The following MAP3K14 variants were observed in gnomAD, a reference collection of about 807,000 sequenced individuals.
MAP3K14 encodes the protein NF-kappa-beta-inducing kinase.
In MAP3K14, 16 loss-of-function variants were observed where a neutral mutation model predicts 99.2. The ratio of observed to expected loss-of-function variants is 0.16; its 90% CI spans 0.11 to 0.24. The LOEUF (loss-of-function observed/expected upper bound fraction) is 0.24, where lower values mean the gene tolerates loss of function less well. Ranked by LOEUF, MAP3K14 falls within the 10% of genes least tolerant of loss-of-function variation. The pLI is 1.00. For synonymous variants in MAP3K14, 462 were observed against 492.4 expected (o/e 0.94, Z 0.82); for missense variants, 784 against 1,208.7 (o/e 0.65, Z 5.21).
At position 45,263,869 on chromosome 17, in the gene MAP3K14, T is replaced by G. The variant is rs1273813159; in HGVS notation, c.*767A>C. The G allele has an allele frequency of 6.6e-6, 1 of 152,382 alleles. No individual in the cohort carries two copies. The highest frequency in any genetic ancestry group is 2.4e-5 in the African/African-American group (1 of 41,450). The allele number at this position is 152,382 out of a possible 1,614,324, so 9.4% of individuals were successfully genotyped here. ...CTGAGTGCCAGCGAGTCTGGGGCAG[T>G]GCTGGGCCTGAAGGGGCTCGGGGCC... On this transcript the variant is annotated 3_prime_UTR_variant, in exon 16 of 16. Transcript: ENST00000344686.
intron 1 of MAP3K14, among the ~76,000 whole-genome samples, chr17:45,316,730 C>T (rs1028050427): frequency 6.6e-6 from 1 of 151,826 alleles, no homozygotes; most frequent in Non-Finnish European, 1.5e-5. Flanking sequence ...GAGTGCGCGG[C>T]CTGGAGGCCC....
intron 1 of MAP3K14, among the ~76,000 whole-genome samples, chr17:45,301,142 T>G (rs2044384885): frequency 6.8e-6 from 1 of 147,044 alleles, no homozygotes; most frequent in African/African-American, 2.5e-5. Context: ...CACTCCAGCC[T>G]GGACAACAGA....
chr17:45,289,256 G>A lies in MAP3K14; in HGVS notation c.306C>T (p.Ile102=), dbSNP rs759009271. Residue 102 remains isoleucine (I), a synonymous_variant, in exon 3 of 16, where the codon ATC becomes ATT. Coordinates refer to ENST00000344686, the MANE Select transcript of MAP3K14 (RefSeq NM_003954.5). ...CTTACCTGTACTGTTTGGACCCAGC[G>A]ATGAAAATGCGTTCTGAAAAGGTGG... ...FSPTFSERIF[I]AGSKQYSQSE... 1.2e-5 allele frequency: 19 copies of A among 1,613,830 alleles called. No homozygotes were observed. Among genetic ancestry groups the A allele is most frequent in the Non-Finnish European group, 1.6e-5 (19 of 1,179,848 alleles).
rs1258199850 is a variant in MAP3K14 at position 45,286,533 on chromosome 17, G to A, written c.1050C>T (p.Ala350=). The stretch of plus-strand genomic sequence containing the variant: ...TCTTGGCCAGGCTGGTCAGGCTGTG[G>A]GCCTGGCCTGAGCTCACGCTGCCTT... ...ALQGSVSSGQ[A]HSLTSLAKTW... is the part of the protein sequence containing the mutation. The change falls in exon 5 of 16, where the codon GCC becomes GCT. Residue 350 remains alanine, a synonymous_variant. Coordinates refer to ENST00000344686, the MANE Select transcript of MAP3K14 (RefSeq NM_003954.5). The surrounding 1 kb of genome is among the most constrained non-coding windows in gnomAD (Gnocchi z 4.1). The A allele has an allele frequency of 2.5e-6, 4 of 1,609,310 alleles. No individual in the cohort carries two copies. The African/African-American group carries it at 4.0e-5, about 16-fold the overall frequency.
intron 3 of MAP3K14, among the ~76,000 whole-genome samples, 167 bp from the exon 4 acceptor site, chr17:45,287,531 C>CT (rs1216325728): frequency 6.6e-6 from 1 of 152,192 alleles, no homozygotes; most frequent in Non-Finnish European, 1.5e-5. Context: ...TGTTTTCTCA[C>CT]TTATCTCACT....
Position 45,270,566 on chromosome 17 carries a change from G to T in MAP3K14, c.1822-3C>A. 1.9e-6 allele frequency: 3 copies of T among 1,545,976 alleles called. No individual in the cohort carries two copies. The highest frequency in any genetic ancestry group is 2.6e-6 in the Non-Finnish European group (3 of 1,148,152). ...ACAGGCGGAGGCTCGCTGGCAATCTGGGGGGCAAAAGACAACAGGTGAGGC... is the reference window on the plus strand; with the variant it reads ...ACAGGCGGAGGCTCGCTGGCAATCTTGGGGGCAAAAGACAACAGGTGAGGC... On this transcript the variant is annotated splice_region_variant and splice_polypyrimidine_tract_variant and intron_variant, in intron 10 of 15. Transcript: ENST00000344686.
At chr17:45,297,282 G>A (rs1404662380) in intron 1 of MAP3K14, among the ~76,000 whole-genome samples, 1 of 152,150 alleles carries the variant, frequency 6.6e-6, no homozygotes, top group Non-Finnish European at 1.5e-5. Context: ...CTACCCATGT[G>A]GATATTACTA....
intron 14 of MAP3K14, 81 bp downstream of exon 14, chr17:45,266,456 A>G (rs2044083387): frequency 6.7e-7 from 1 of 1,503,446 alleles, no homozygotes; most frequent in Non-Finnish European, 9.0e-7. Context: ...AGGAGGGGAG[A>G]CAAAATCCCT....
chr17:45,287,116 A>G, intron 4 of MAP3K14, 38 bp downstream of exon 4: 1 of 1,604,252 alleles, frequency 6.2e-7, no homozygotes, highest in East Asian at 2.2e-5. Flanking sequence ...TCAAGGCCCC[A>G]TGAACCTGGG....
At chr17:45,276,846 T>TTTTG (rs2044184483) in intron 6 of MAP3K14, among the ~76,000 whole-genome samples, 1 of 102,576 alleles carries the variant, frequency 9.7e-6, no homozygotes, top group Non-Finnish European at 2.0e-5. Context: ...TTTTTTTTTT[T>TTTTG]GAGACAGAGT....
Position 45,286,688 on chromosome 17 carries a change from G to C in MAP3K14, c.895C>G (p.Pro299Ala), listed in dbSNP as rs760024996. 1 of 1,609,990 alleles carries C rather than the reference G, an allele frequency of 6.2e-7. No homozygotes were observed. Among genetic ancestry groups the C allele is most frequent in the Non-Finnish European group, 8.5e-7 (1 of 1,178,312 alleles). ...ACACAGGCCAGTTTGCTCAGGTGTG[G>C]GTCAGGCAAGGGTTTCTGGCTGTCT... ...CVDSQKPLPD[P>A]HLSKLACVDS... Residue 299 changes from proline to alanine, a missense_variant, in exon 5 of 16, where the codon CCA becomes GCA. Pro to Ala is a conservative substitution (Grantham distance 27, BLOSUM62 -1). Coordinates refer to ENST00000344686, the MANE Select transcript of MAP3K14 (RefSeq NM_003954.5). The surrounding 1 kb of genome is among the most constrained non-coding windows in gnomAD (Gnocchi z 4.1).
intron 1 of MAP3K14, among the ~76,000 whole-genome samples, chr17:45,295,205 T>C (rs1203187687): frequency 6.7e-6 from 1 of 150,270 alleles, no homozygotes; most frequent in Non-Finnish European, 1.5e-5. Flanking sequence ...CCAGAAGCTA[T>C]GGGTTCTAGC....
At chr17:45,291,186 C>T (rs893257581) in intron 1 of MAP3K14, among the ~76,000 whole-genome samples, 1 of 152,200 alleles carries the variant, frequency 6.6e-6, no homozygotes, top group Non-Finnish European at 1.5e-5. Flanking sequence ...GCCTCACTGA[C>T]CCCACATAAG....
At chr17:45,309,839 C>T (rs137945130) in intron 1 of MAP3K14, among the ~76,000 whole-genome samples, 10 of 152,194 alleles carry the variant, frequency 6.6e-5, no homozygotes, top group Admixed American at 1.3e-4. Flanking sequence ...CATCTGGGCT[C>T]GGATTTGCAT....
intron 1 of MAP3K14, among the ~76,000 whole-genome samples, chr17:45,300,720 C>T (rs1275081006): frequency 6.6e-6 from 1 of 152,188 alleles, no homozygotes; most frequent in Non-Finnish European, 1.5e-5. Context: ...CCCCCACTCC[C>T]TTTTACTCAT....
chr17:45,264,585 C>T lies in MAP3K14; in HGVS notation c.*51G>A, dbSNP rs150073588. ...TGTGTTTCAGGGCAGCATCGTGCAC[C>T]GAGCAGGAAGGCTGCTTCCGGCAGT... On this transcript the variant is annotated 3_prime_UTR_variant, in exon 16 of 16. Coordinates refer to ENST00000344686, the MANE Select transcript of MAP3K14 (RefSeq NM_003954.5). 1,410 of 1,512,978 alleles carry T rather than the reference C, an allele frequency of 9.3e-4. 13 individuals are homozygous for T. In the African/African-American group the frequency reaches 0.017, roughly 18 times the overall value. 93.7% of individuals were successfully genotyped at this position (1,512,978 alleles called of 1,614,324 possible).
intron 2 of MAP3K14, among the ~76,000 whole-genome samples, chr17:45,289,610 G>C (rs1782409948): frequency 6.6e-6 from 1 of 152,218 alleles, no homozygotes; most frequent in African/African-American, 2.4e-5. Flanking sequence ...ATGATCTACA[G>C]AAAATGCTCA....
intron 1 of MAP3K14, among the ~76,000 whole-genome samples, chr17:45,305,410 T>TG (rs952087717): frequency 2.0e-5 from 3 of 150,560 alleles, no homozygotes; most frequent in African/African-American, 7.4e-5. Context: ...TTTTTTTTTT[T>TG]TTTGTGAGAC....
At position 45,290,656 on chromosome 17, in the gene MAP3K14, C is replaced by A. The variant is rs756983132; in HGVS notation, c.90G>T (p.Pro30=). 1 of 1,613,440 alleles carries A rather than the reference C, an allele frequency of 6.2e-7. No individual in the cohort carries two copies. The highest frequency in any genetic ancestry group is 8.5e-7 in the Non-Finnish European group (1 of 1,179,812). ...KELPKAKEKT[P]PLGKKQSSVY... ...CGGAGCTCTGTTTCTTCCCCAGTGG[C>A]GGCGTCTTCTCCTTGGCTTTGGGGA... Residue 30 remains proline, a synonymous_variant, in exon 2 of 16, where the codon CCG becomes CCT. Transcript: ENST00000344686.
Sources: allele counts gnomAD v4.1 joint callset (sites outside exome capture counted in the v4.1 genomes callset), GRCh38; gene constraint gnomAD v4.1.1; non-coding constraint Gnocchi (gnomAD v3.1); transcripts MANE v1.5; gene names NCBI Gene and HGNC (gene_info 2026-07-23, HGNC 2026-07-21).